CFAP54: variants seen among roughly 807,000 people sequenced by gnomAD.
CFAP54 encodes the protein cilia- and flagella-associated protein 54.
CFAP54 carries 290 observed loss-of-function variants against 370.4 expected under a neutral mutation model. The observed-to-expected ratio is 0.78, with a 90% CI of 0.71 to 0.86. The LOEUF is 0.86. Ranked by LOEUF, CFAP54 falls within the 40% of genes least tolerant of loss-of-function variation. The pLI is 0.00. For synonymous variants in CFAP54, 1,206 were observed against 1,236.5 expected, an observed-to-expected ratio of 0.98 and a Z score of 0.52; for missense variants, 3,399 against 3,528.7, an observed-to-expected ratio of 0.96 and a Z score of 0.93.
Position 96,700,240 on chromosome 12 carries a change from T to G in CFAP54, c.6474+147T>G, listed in dbSNP as rs557119595. ...GCCTGGTTACAACTAACATCAGGAT[T>G]TTATGAGGTTTCATTTGTCTGGGTT... On this transcript the variant is annotated intron_variant, in intron 46 of 67. Transcript: ENST00000524981. The G allele has an allele frequency of 3.8e-5, 33 of 867,530 alleles. No individual in the cohort carries two copies. In the African/African-American group the frequency reaches 5.1e-4, roughly 13 times the overall value. 53.7% of individuals were successfully genotyped at this position (867,530 alleles called of 1,614,324 possible). A position where few individuals can be genotyped will look rare whatever the true frequency, so the allele number is the denominator to read the frequency against.
intron 23 of CFAP54, 33 bp from the exon 24 acceptor site, chr12:96,592,457 A>T: frequency 2.2e-6 from 1 of 445,636 alleles, no homozygotes; most frequent in Non-Finnish European, 4.0e-6. Context: ...AAATCAATTT[A>T]TATTTATACC....
intron 5 of CFAP54, among the ~76,000 whole-genome samples, chr12:96,515,071 C>G (rs1467145044): frequency 6.6e-6 from 1 of 150,714 alleles, no homozygotes; most frequent in African/African-American, 2.4e-5. Context: ...GCAGTGGCGC[C>G]GTCTTAGCTC....
chr12:96,619,958 G>A (rs923783676), intron 26 of CFAP54, among the ~76,000 whole-genome samples: 1 of 151,974 alleles, frequency 6.6e-6, no homozygotes, highest in African/African-American at 2.4e-5. Flanking sequence ...ATAATCCCAG[G>A]CATGGGATTT....
At chr12:96,588,567 T>C (rs549122633) in intron 22 of CFAP54, among the ~76,000 whole-genome samples, 12 of 152,224 alleles carry the variant, frequency 7.9e-5, no homozygotes, top group Middle Eastern at 3.2e-3. Flanking sequence ...GAGTATTCAT[T>C]GGCAGATTCG....
At position 96,770,214 on chromosome 12, in the gene CFAP54, T is replaced by TTG. The variant is rs1299936002; in HGVS notation, c.8281+5010_8281+5011dup. ...TGTGTGTGTGTGTGTGTGTGTGAAT[T>TTG]TGTGTGTGTGTGTGTTGCATCCGAG... On this transcript the variant is annotated intron_variant, in intron 60 of 67. Transcript: ENST00000524981. Among the ~76,000 whole-genome samples, 227 of 136,142 alleles carry TTG rather than the reference T, an allele frequency of 1.7e-3. 1 individual carries two copies. The highest frequency in any genetic ancestry group is 5.8e-3 in the African/African-American group (212 of 36,668). The allele number at this position is 136,142 out of a possible 152,430, so 89.3% of individuals were successfully genotyped here.
intron 11 of CFAP54, 110 bp from the exon 12 acceptor site, chr12:96,535,405 C>G: frequency 1.5e-6 from 1 of 669,828 alleles, no homozygotes; most frequent in Admixed American, 2.5e-5. Context: ...GATATTTGCC[C>G]GCCTATCATT....
At chr12:96,560,594 G>A (rs1238278564) in intron 17 of CFAP54, among the ~76,000 whole-genome samples, 3 of 152,012 alleles carry the variant, frequency 2.0e-5, no homozygotes, top group Non-Finnish European at 4.4e-5. Context: ...ATCTTTCCTA[G>A]TAGTTTCCTC....
At chr12:96,582,785 C>T (rs1956044050) in intron 22 of CFAP54, among the ~76,000 whole-genome samples, 1 of 152,134 alleles carries the variant, frequency 6.6e-6, no homozygotes, top group African/African-American at 2.4e-5. Context: ...TCTTTACTGA[C>T]ACTATATTTG....
chr12:96,743,994 C>T (rs1021302013), intron 54 of CFAP54, 26 bp from the exon 55 acceptor site: 12 of 1,604,822 alleles, frequency 7.5e-6, no homozygotes, highest in Non-Finnish European at 9.3e-6. Flanking sequence ...ACTAATTGCT[C>T]ATTACAATAT....
intron 66 of CFAP54, among the ~76,000 whole-genome samples, chr12:96,845,364 C>T (rs1959309537): frequency 6.6e-6 from 1 of 152,326 alleles, no homozygotes; most frequent in East Asian, 1.9e-4. Flanking sequence ...TGCATTGAGC[C>T]ACCCAAACCT....
rs746341673 is a variant in CFAP54 at position 96,744,015 on chromosome 12, A to G, written c.7558-5A>G. 1 of 1,605,806 alleles carries G rather than the reference A, an allele frequency of 6.2e-7. No individual in the cohort carries two copies. Reference sequence around the variant, plus strand: ...TGCTCATTACAATATTTGTTTTTTTAATAGATGCTAGCTTTTGGAGAAACA... The same window carrying G: ...TGCTCATTACAATATTTGTTTTTTTGATAGATGCTAGCTTTTGGAGAAACA... On this transcript the variant is annotated splice_polypyrimidine_tract_variant and splice_region_variant and intron_variant, in intron 54 of 67. Transcript: ENST00000524981.
At chr12:96,809,979 T>C (rs923014341) in intron 63 of CFAP54, among the ~76,000 whole-genome samples, 2 of 152,094 alleles carry the variant, frequency 1.3e-5, no homozygotes, top group African/African-American at 4.8e-5. Flanking sequence ...GTACCTAACG[T>C]CCCTTAGCAT....
intron 26 of CFAP54, among the ~76,000 whole-genome samples, chr12:96,612,969 G>C (rs1262649149): frequency 6.6e-6 from 1 of 152,118 alleles, no homozygotes; most frequent in African/African-American, 2.4e-5. Flanking sequence ...CAATGAGACA[G>C]AAAGTTAAAA....
chr12:96,746,627 A>C (rs1041918400), intron 55 of CFAP54, among the ~76,000 whole-genome samples: 2 of 152,066 alleles, frequency 1.3e-5, no homozygotes, highest in African/African-American at 4.8e-5. Context: ...CTTTAAGTAA[A>C]TGATCTCTAT....
chr12:96,598,753 T>C lies in CFAP54; in HGVS notation c.3625T>C (p.Phe1209Leu). ...ACAACACATGATAGCTTGTTGTATT[T>C]TCTACATAACAAAGGTATTTATCTC... Reference protein sequence around the residue: ...SIQHMIACCIFYITKILRSWR... With the variant: ...SIQHMIACCILYITKILRSWR... The change falls in exon 26 of 68, where the codon TTC becomes CTC. Residue 1209 changes from phenylalanine to leucine, a missense_variant. Physicochemically the swap from Phe to Leu is conservative, Grantham distance 22 (BLOSUM62 0). Around this residue, in one of 3 missense-constraint regions of CFAP54, gnomAD observed 2,796 missense variants for 2,869.7 expected, o/e 0.97. Transcript: ENST00000524981. 1 of 628,510 alleles carries C rather than the reference T, an allele frequency of 1.6e-6. No individual in the cohort carries two copies. Among genetic ancestry groups the C allele is most frequent in the Non-Finnish European group, 2.9e-6 (1 of 346,080 alleles). 38.9% of individuals were successfully genotyped at this position (628,510 alleles called of 1,614,324 possible).
In CFAP54 at chr12:96,713,728, G is replaced by A. The variant is rs143380323; in HGVS notation, c.6725-4715G>A. On this transcript the variant is annotated intron_variant, in intron 48 of 67. Transcript: ENST00000524981. ...TGATTTAAAATAGGGTTATCAGGAA[G>A]AGTCTTAATAAACAGATGATACTTG... Among the ~76,000 whole-genome samples the A allele has an allele frequency of 3.2e-3, 485 of 152,188 alleles. 4 individuals carry two copies. The highest frequency in any genetic ancestry group is 0.011 in the African/African-American group (460 of 41,534).
intron 67 of CFAP54, among the ~76,000 whole-genome samples, chr12:96,869,393 T>C (rs1160489736): frequency 6.6e-6 from 1 of 152,148 alleles, no homozygotes; most frequent in East Asian, 1.9e-4. Flanking sequence ...TGACATTGCA[T>C]CCAGAATGAA....
chr12:96,715,656 T>A (rs1031251750), intron 48 of CFAP54, among the ~76,000 whole-genome samples: 1 of 152,162 alleles, frequency 6.6e-6, no homozygotes, highest in African/African-American at 2.4e-5. Context: ...CCTCATATAT[T>A]CTCAGGAATA....
chr12:96,635,168 G>T (rs891934681), intron 32 of CFAP54, among the ~76,000 whole-genome samples: 1 of 152,012 alleles, frequency 6.6e-6, no homozygotes, highest in African/African-American at 2.4e-5. Flanking sequence ...GAATAAACTT[G>T]TCTATAATAT....
Sources: allele counts gnomAD v4.1 joint callset (sites outside exome capture counted in the v4.1 genomes callset), GRCh38; gene constraint gnomAD v4.1.1; regional missense constraint gnomAD v4.1.1; transcripts MANE v1.5; gene names NCBI Gene and HGNC (gene_info 2026-07-23, HGNC 2026-07-21).